SPAG6: variants seen among roughly 807,000 people sequenced by gnomAD.
The protein encoded by SPAG6 is sperm-associated antigen 6.
In SPAG6, 49 loss-of-function variants were observed where a neutral mutation model predicts 58.5. The observed-to-expected ratio is 0.84, with a 90% confidence interval of 0.67 to 1.06. The LOEUF (loss-of-function observed/expected upper bound fraction) is 1.06. SPAG6 is among the 50% of genes least tolerant of loss of function. The probability of loss-of-function intolerance (pLI) is 0.00; values close to 1 mark genes in which losing one functional copy is unlikely to be tolerated. For missense variants in SPAG6, 560 were observed against 611.3 expected, an observed-to-expected ratio of 0.92 and a Z score of 0.89; for synonymous variants, 233 against 225.6, an observed-to-expected ratio of 1.03 and a Z score of -0.29.
chr10:22,392,332 C>A (rs1834201291), intron 8 of SPAG6, among the ~76,000 whole-genome samples: 1 of 152,050 alleles, frequency 6.6e-6, no homozygotes, highest in Non-Finnish European at 1.5e-5. Context: ...TTTTTGAACC[C>A]ATAATTTACC....
At chr10:22,378,387 A>T in intron 4 of SPAG6, among the ~76,000 whole-genome samples, 1 of 148,782 alleles carries the variant, frequency 6.7e-6, no homozygotes. Context: ...TCTTACATGC[A>T]TACATTGCAT....
intron 2 of SPAG6, among the ~76,000 whole-genome samples, chr10:22,357,388 A>T (rs1472118601): frequency 1.3e-5 from 2 of 152,100 alleles, no homozygotes; most frequent in Admixed American, 1.3e-4. Context: ...TATATTCTTG[A>T]TAGATATATC....
At chr10:22,400,536 C>A (rs554744394) in intron 8 of SPAG6, among the ~76,000 whole-genome samples, 4 of 151,558 alleles carry the variant, frequency 2.6e-5, no homozygotes, top group African/African-American at 9.7e-5. Context: ...ACATATGGTA[C>A]GTATTCTTCT....
At chr10:22,392,810 T>C (rs984170625) in intron 8 of SPAG6, among the ~76,000 whole-genome samples, 10 of 152,176 alleles carry the variant, frequency 6.6e-5, no homozygotes, top group Non-Finnish European at 1.5e-5. Flanking sequence ...AAGTTATGTA[T>C]AGTGAATTAT....
intron 10 of SPAG6, among the ~76,000 whole-genome samples, chr10:22,415,102 G>A (rs185374947): frequency 6.6e-6 from 1 of 151,918 alleles, no homozygotes; most frequent in Non-Finnish European, 1.5e-5. Context: ...GTAGCTGGTG[G>A]CTCCCATTCA....
At chr10:22,376,042 T>C (rs796339077) in intron 4 of SPAG6, among the ~76,000 whole-genome samples, 12 of 152,350 alleles carry the variant, frequency 7.9e-5, no homozygotes, top group African/African-American at 2.9e-4. Flanking sequence ...CTGAGGCTAG[T>C]GCACATTGAG....
chr10:22,390,420 C>G (rs954943976), intron 7 of SPAG6, among the ~76,000 whole-genome samples: 2 of 152,100 alleles, frequency 1.3e-5, no homozygotes, highest in African/African-American at 4.8e-5. Context: ...CTGGCCTTTC[C>G]CACTTGGTTT....
chr10:22,399,035 T>C (rs561354742), intron 8 of SPAG6, among the ~76,000 whole-genome samples: 1 of 152,234 alleles, frequency 6.6e-6, no homozygotes, highest in Admixed American at 6.5e-5. Context: ...TCTAGGCTGG[T>C]CTCGAACTCC....
chr10:22,372,962 C>G (rs1193890214), intron 4 of SPAG6, among the ~76,000 whole-genome samples: 1 of 152,134 alleles, frequency 6.6e-6, no homozygotes, highest in African/African-American at 2.4e-5. Context: ...TTGGCAACTG[C>G]TCAACACTTC....
intron 9 of SPAG6, among the ~76,000 whole-genome samples, chr10:22,403,278 TC>T (rs1564379020): frequency 6.6e-6 from 1 of 152,096 alleles, no homozygotes; most frequent in African/African-American, 2.4e-5. Flanking sequence ...ATGCTATCCC[TC>T]CCCCCAACCC....
intron 9 of SPAG6, among the ~76,000 whole-genome samples, chr10:22,402,901 A>G (rs920843746): frequency 2.0e-5 from 3 of 152,146 alleles, no homozygotes; most frequent in East Asian, 1.9e-4. Flanking sequence ...GAACTGGGTA[A>G]TTGACATTAT....
chr10:22,357,788 T>A (rs1171450257), intron 2 of SPAG6, among the ~76,000 whole-genome samples: 5 of 133,912 alleles, frequency 3.7e-5, no homozygotes, highest in Non-Finnish European at 7.7e-5. Context: ...CCTGTGTCCA[T>A]GTGTTCTCAT....
intron 9 of SPAG6, among the ~76,000 whole-genome samples, chr10:22,401,724 T>C (rs1181685004): frequency 6.6e-6 from 1 of 152,228 alleles, no homozygotes. Context: ...TCGACTTATT[T>C]TGTGAACAAT....
intron 8 of SPAG6, among the ~76,000 whole-genome samples, 154 bp downstream of exon 8, chr10:22,392,074 C>T (rs1834196224): frequency 6.6e-6 from 1 of 152,066 alleles, no homozygotes; most frequent in South Asian, 2.1e-4. Flanking sequence ...AAATGAGTTA[C>T]CCTGTCTCTA....
At chr10:22,354,868 G>T (rs1279367550) in intron 2 of SPAG6, among the ~76,000 whole-genome samples, 1 of 152,090 alleles carries the variant, frequency 6.6e-6, no homozygotes, top group Admixed American at 6.5e-5. Flanking sequence ...AATTAGCCAG[G>T]TGTGGTGGCA....
At chr10:22,361,685 G>A (rs992113079) in intron 2 of SPAG6, among the ~76,000 whole-genome samples, 1 of 151,988 alleles carries the variant, frequency 6.6e-6, no homozygotes, top group South Asian at 2.1e-4. Flanking sequence ...GTGAGACTCC[G>A]TCTCAAAAGA....
At chr10:22,404,815 G>A (rs1834509959) in intron 9 of SPAG6, among the ~76,000 whole-genome samples, 1 of 151,870 alleles carries the variant, frequency 6.6e-6, no homozygotes, top group Non-Finnish European at 1.5e-5. Flanking sequence ...ATTTCCTTGA[G>A]CAGTGGTTTG....
chr10:22,412,222 T>C (rs114659274), intron 10 of SPAG6, among the ~76,000 whole-genome samples: 2,260 of 152,292 alleles, frequency 0.015, 39 homozygotes, highest in African/African-American at 0.05. Context: ...TATTTTCTAA[T>C]CCTACATTTA....
chr10:22,346,374 G>C (rs1308725722), intron 2 of SPAG6, among the ~76,000 whole-genome samples: 1 of 152,004 alleles, frequency 6.6e-6, no homozygotes, highest in Non-Finnish European at 1.5e-5. Context: ...GAGAGAGGGG[G>C]AGAGGGAGGG....
Sources: gnomAD v4.1 joint callset for allele counts (sites outside exome capture counted in the v4.1 genomes callset) on GRCh38, gnomAD v4.1.1 for gene constraint, MANE v1.5 for transcripts, NCBI Gene and HGNC (gene_info 2026-07-23, HGNC 2026-07-21) for gene names.